SHISA6: variants seen among roughly 807,000 people sequenced by gnomAD.
SHISA6 encodes the protein shisa family member 6.
Under a neutral mutation model 47.9 loss-of-function variants are expected in SHISA6, and 22 were observed. That is an observed-to-expected ratio of 0.46 (90% CI 0.33 to 0.66). SHISA6 has a LOEUF of 0.66. Among genes scored for constraint, SHISA6 ranks in the 30% least tolerant of loss-of-function variants. The probability of loss-of-function intolerance (pLI) is 0.02; values close to 1 mark genes in which losing one functional copy is unlikely to be tolerated. For missense variants in SHISA6, 680 were observed against 764.6 expected (o/e 0.89, Z 1.30); for synonymous variants, 388 against 337.8 (o/e 1.15, Z -1.63).
chr17:11,377,349 C>T (rs1010700248), intron 2 of SHISA6, among the ~76,000 whole-genome samples: 2 of 152,134 alleles, frequency 1.3e-5, no homozygotes, highest in Non-Finnish European at 2.9e-5. Flanking sequence ...GCTGTGTGCC[C>T]TAAGGAAGGA....
intron 2 of SHISA6, among the ~76,000 whole-genome samples, chr17:11,286,047 A>G (rs1214372377): frequency 6.6e-6 from 1 of 152,144 alleles, no homozygotes; most frequent in Non-Finnish European, 1.5e-5. Context: ...TGTGTTAGCC[A>G]GGATGGTCTC....
intron 4 of SHISA6, among the ~76,000 whole-genome samples, chr17:11,552,529 C>A (rs2071940337): frequency 6.6e-6 from 1 of 152,200 alleles, no homozygotes; most frequent in Non-Finnish European, 1.5e-5. Context: ...CAGAGAAAAT[C>A]TATTTTTGGC....
At chr17:11,254,397 C>T (rs1166842180) in intron 1 of SHISA6, among the ~76,000 whole-genome samples, 1 of 152,200 alleles carries the variant, frequency 6.6e-6, no homozygotes. Context: ...GGTTCAACAG[C>T]TCTGGGATGT....
chr17:11,481,713 G>C (rs939470400), intron 3 of SHISA6, among the ~76,000 whole-genome samples: 4 of 151,762 alleles, frequency 2.6e-5, no homozygotes, highest in Non-Finnish European at 5.9e-5. Context: ...GGCTGGTCTC[G>C]AACTCCTGAC....
At chr17:11,511,552 G>C (rs1043722968) in intron 3 of SHISA6, among the ~76,000 whole-genome samples, 1 of 151,202 alleles carries the variant, frequency 6.6e-6, no homozygotes, top group Non-Finnish European at 1.5e-5. Context: ...GATGAATAGA[G>C]AAAATGTGGT....
chr17:11,294,033 G>A (rs1024371564), intron 2 of SHISA6, among the ~76,000 whole-genome samples: 10 of 151,800 alleles, frequency 6.6e-5, no homozygotes, highest in African/African-American at 1.9e-4. Context: ...CTACAGGTGC[G>A]CACCACCATG....
chr17:11,390,625 A>C (rs1313187637), intron 3 of SHISA6, among the ~76,000 whole-genome samples: 2 of 152,206 alleles, frequency 1.3e-5, no homozygotes, highest in Non-Finnish European at 2.9e-5. Context: ...ATTTCAGTGA[A>C]GTCCCCTCAA....
At chr17:11,276,496 C>A (rs1381709359) in intron 2 of SHISA6, among the ~76,000 whole-genome samples, 4 of 152,182 alleles carry the variant, frequency 2.6e-5, no homozygotes, top group Non-Finnish European at 4.4e-5. Flanking sequence ...ACAGTGAACA[C>A]CCATACCCCC....
chr17:11,452,958 T>C, intron 3 of SHISA6, among the ~76,000 whole-genome samples: 1 of 141,680 alleles, frequency 7.1e-6, no homozygotes. Context: ...CTCCTTCTCA[T>C]CCTCTTCTCC....
At chr17:11,506,747 T>A (rs1015277715) in intron 3 of SHISA6, among the ~76,000 whole-genome samples, 18 of 152,192 alleles carry the variant, frequency 1.2e-4, no homozygotes, top group African/African-American at 3.4e-4. Flanking sequence ...GTGAGCTTTT[T>A]ATAAATGAGC....
intron 3 of SHISA6, among the ~76,000 whole-genome samples, chr17:11,541,051 C>T (rs1483715198): frequency 6.6e-6 from 1 of 152,222 alleles, no homozygotes; most frequent in Non-Finnish European, 1.5e-5. Flanking sequence ...CAGGTTACTT[C>T]ACTTCTCTGA....
chr17:11,259,907 C>G (rs1249433499), intron 1 of SHISA6, among the ~76,000 whole-genome samples: 1 of 152,120 alleles, frequency 6.6e-6, no homozygotes, highest in African/African-American at 2.4e-5. Flanking sequence ...AAGTTAAATC[C>G]CTGTTCCAAT....
chr17:11,440,491 G>T (rs1915066167), intron 3 of SHISA6, among the ~76,000 whole-genome samples: 1 of 151,666 alleles, frequency 6.6e-6, no homozygotes, highest in Admixed American at 6.6e-5. Flanking sequence ...GGGAGTATGG[G>T]ACAGAGAATG....
intron 2 of SHISA6, among the ~76,000 whole-genome samples, chr17:11,271,084 G>A (rs1225126676): frequency 6.6e-6 from 1 of 152,110 alleles, no homozygotes; most frequent in Non-Finnish European, 1.5e-5. Flanking sequence ...AAGCTCGGCT[G>A]TCAGGGAGAG....
intron 3 of SHISA6, among the ~76,000 whole-genome samples, chr17:11,493,370 G>A (rs1039049001): frequency 2.6e-5 from 4 of 152,048 alleles, no homozygotes; most frequent in Non-Finnish European, 5.9e-5. Flanking sequence ...GGGATTACAG[G>A]TGCATGCCAC....
intron 2 of SHISA6, among the ~76,000 whole-genome samples, chr17:11,298,991 C>G (rs1445150603): frequency 2.0e-5 from 3 of 152,168 alleles, no homozygotes; most frequent in African/African-American, 4.8e-5. Context: ...TAGGTTGATG[C>G]AAAAGTAACT....
intron 3 of SHISA6, among the ~76,000 whole-genome samples, chr17:11,539,897 G>T (rs2071818827): frequency 6.6e-6 from 1 of 152,226 alleles, no homozygotes; most frequent in Non-Finnish European, 1.5e-5. Flanking sequence ...AATTGAGGGA[G>T]AGGAGATATG....
At chr17:11,497,186 A>C (rs1197167408) in intron 3 of SHISA6, among the ~76,000 whole-genome samples, 1 of 152,194 alleles carries the variant, frequency 6.6e-6, no homozygotes, top group African/African-American at 2.4e-5. Context: ...TCATGGGCCA[A>C]ATAAATGGAT....
intron 3 of SHISA6, among the ~76,000 whole-genome samples, chr17:11,481,358 G>GTATATATATATATATA (rs1209751142): frequency 4.5e-5 from 5 of 109,918 alleles, no homozygotes; most frequent in African/African-American, 1.8e-4. Flanking sequence ...GTGTGTGTGT[G>GTATATATATATATATA]TGTGTGTGTA....
Sources: gnomAD v4.1 joint callset for allele counts (sites outside exome capture counted in the v4.1 genomes callset) on GRCh38, gnomAD v4.1.1 for gene constraint, MANE v1.5 for transcripts, NCBI Gene and HGNC (gene_info 2026-07-23, HGNC 2026-07-21) for gene names.